The following CACNA2D3 variants were observed in gnomAD, a reference collection of about 807,000 sequenced individuals.
CACNA2D3 encodes calcium voltage-gated channel auxiliary subunit alpha2delta 3, also known as voltage-dependent calcium channel subunit alpha-2/delta-3.
A neutral mutation model predicts 160.6 loss-of-function variants in CACNA2D3; 60 were observed. The observed-to-expected ratio is 0.37, with a 90% CI of 0.30 to 0.46. CACNA2D3 has a LOEUF of 0.46. Among genes scored for constraint, CACNA2D3 ranks in the 20% least tolerant of loss-of-function variants. The pLI is 1.00. For synonymous variants in CACNA2D3, 558 were observed against 492.9 expected (o/e 1.13, Z -1.75); for missense variants, 1,205 against 1,365.0 (o/e 0.88, Z 1.85).
chr3:54,671,873 G>A (rs1700169898), intron 11 of CACNA2D3, among the ~76,000 whole-genome samples: 1 of 152,206 alleles, frequency 6.6e-6, no homozygotes, highest in Non-Finnish European at 1.5e-5. Context: ...CCACAAGTGG[G>A]TCTGCCCCCA....
chr3:55,039,055 A>T (rs2107188288), intron 35 of CACNA2D3, among the ~76,000 whole-genome samples: 1 of 152,036 alleles, frequency 6.6e-6, no homozygotes, highest in South Asian at 2.1e-4. Context: ...GCTGCCCTGC[A>T]ACTTTAGTTA....
chr3:54,763,255 T>C (rs1283921388), intron 12 of CACNA2D3, among the ~76,000 whole-genome samples: 2 of 152,096 alleles, frequency 1.3e-5, no homozygotes, highest in African/African-American at 4.8e-5. Context: ...AAACCTGGAC[T>C]CATCATCTGT....
At chr3:54,456,956 T>G (rs1428099263) in intron 4 of CACNA2D3, among the ~76,000 whole-genome samples, 1 of 151,890 alleles carries the variant, frequency 6.6e-6, no homozygotes, top group Non-Finnish European at 1.5e-5. Context: ...CTTTTTTTGT[T>G]TCTCATTTTG....
intron 13 of CACNA2D3, among the ~76,000 whole-genome samples, chr3:54,766,857 A>G (rs1017184443): frequency 2.0e-5 from 3 of 151,966 alleles, no homozygotes; most frequent in African/African-American, 7.2e-5. Flanking sequence ...ACTTTTTGCA[A>G]GAATTATATA....
At chr3:54,291,134 A>G (rs527306201) in intron 2 of CACNA2D3, among the ~76,000 whole-genome samples, 2 of 152,254 alleles carry the variant, frequency 1.3e-5, no homozygotes, top group Non-Finnish European at 2.9e-5. Context: ...CCAAAATACA[A>G]ATTGTTGCTT....
At chr3:54,442,151 T>C (rs2106796744) in intron 4 of CACNA2D3, among the ~76,000 whole-genome samples, 1 of 152,222 alleles carries the variant, frequency 6.6e-6, no homozygotes, top group Admixed American at 6.5e-5. Context: ...AGTGGCTATA[T>C]CTAGTGGTCT....
Position 55,073,958 on chromosome 3 carries a change from A to AAAAT in CACNA2D3, c.3183+102_3183+105dup. 5.2e-6 allele frequency: 6 copies of AAAAT among 1,153,056 alleles called. No individual in the cohort carries two copies. The South Asian group carries it at 5.2e-5, about 10-fold the overall frequency. The allele number at this position is 1,153,056 out of a possible 1,614,324, so 71.4% of individuals were successfully genotyped here. The stretch of plus-strand genomic sequence containing the variant: ...TACAGCTGAAAAGTTCACTCATGAG[A>AAAAT]AAATAATCCCTTTCATTCAGTAAAC... On this transcript the variant is annotated intron_variant, in intron 37 of 37. Coordinates refer to ENST00000474759, the MANE Select transcript of CACNA2D3 (RefSeq NM_018398.3).
At chr3:54,809,903 T>C (rs374466966) in intron 13 of CACNA2D3, among the ~76,000 whole-genome samples, 61 of 152,208 alleles carry the variant, frequency 4.0e-4, no homozygotes, top group African/African-American at 1.4e-3. Flanking sequence ...CCTCGGTAGA[T>C]CTTATATGGA....
chr3:55,059,845 C>T (rs1253582468), intron 35 of CACNA2D3, among the ~76,000 whole-genome samples: 1 of 152,052 alleles, frequency 6.6e-6, no homozygotes, highest in African/African-American at 2.4e-5. Context: ...AGCTATCCCA[C>T]ACCCGTTCTC....
intron 35 of CACNA2D3, among the ~76,000 whole-genome samples, chr3:55,036,915 C>T (rs544508119): frequency 8.5e-5 from 13 of 152,216 alleles, no homozygotes; most frequent in African/African-American, 2.9e-4. Context: ...ATCTGGGGTG[C>T]CTATAGAAGT....
At chr3:54,507,429 G>T (rs1701388644) in intron 5 of CACNA2D3, among the ~76,000 whole-genome samples, 1 of 151,984 alleles carries the variant, frequency 6.6e-6, no homozygotes, top group African/African-American at 2.4e-5. Context: ...TCTACTTTAG[G>T]TTCTCTGAGG....
At chr3:54,481,304 C>A (rs1700928579) in intron 4 of CACNA2D3, among the ~76,000 whole-genome samples, 1 of 152,180 alleles carries the variant, frequency 6.6e-6, no homozygotes, top group African/African-American at 2.4e-5. Flanking sequence ...ATTTGCACAG[C>A]CAAAGTGGAG....
At chr3:54,821,641 G>GTTCGTTCTTTCT (rs1553873526) in intron 14 of CACNA2D3, among the ~76,000 whole-genome samples, 28 of 107,920 alleles carry the variant, frequency 2.6e-4, no homozygotes, top group African/African-American at 7.3e-4. Flanking sequence ...AGAGTCTTTC[G>GTTCGTTCTTTCT]TTCTTTCTTT....
chr3:54,342,689 A>G (rs1698379385), intron 3 of CACNA2D3, among the ~76,000 whole-genome samples: 1 of 152,160 alleles, frequency 6.6e-6, no homozygotes, highest in Non-Finnish European at 1.5e-5. Context: ...AACTTTGAAA[A>G]CACCTCCTGA....
chr3:54,527,347 G>T (rs1701741466), intron 5 of CACNA2D3, among the ~76,000 whole-genome samples: 1 of 152,138 alleles, frequency 6.6e-6, no homozygotes, highest in South Asian at 2.1e-4. Context: ...TTGTTTTATG[G>T]CCTGCTTTCT....
intron 13 of CACNA2D3, among the ~76,000 whole-genome samples, chr3:54,780,123 T>A (rs1702504556): frequency 6.6e-6 from 1 of 152,186 alleles, no homozygotes. Context: ...AGAAATAATA[T>A]AAAGAATATT....
At chr3:54,414,904 A>G in intron 4 of CACNA2D3, among the ~76,000 whole-genome samples, 1 of 151,916 alleles carries the variant, frequency 6.6e-6, no homozygotes, top group East Asian at 1.9e-4. Flanking sequence ...ATTCATTTTA[A>G]ACACAATATG....
intron 1 of CACNA2D3, among the ~76,000 whole-genome samples, chr3:54,123,171 T>G (rs1699511289): frequency 6.7e-6 from 1 of 148,660 alleles, no homozygotes; most frequent in African/African-American, 2.5e-5. Flanking sequence ...GGGGGGGGGA[T>G]GGGTGGATTT....
At chr3:54,465,443 T>C (rs1204922887) in intron 4 of CACNA2D3, among the ~76,000 whole-genome samples, 1 of 152,232 alleles carries the variant, frequency 6.6e-6, no homozygotes, top group Non-Finnish European at 1.5e-5. Context: ...TAAATTAAAC[T>C]TTATTATATG....
Sources: gnomAD v4.1 joint callset for allele counts (sites outside exome capture counted in the v4.1 genomes callset) on GRCh38, gnomAD v4.1.1 for gene constraint, MANE v1.5 for transcripts, NCBI Gene and HGNC (gene_info 2026-07-23, HGNC 2026-07-21) for gene names.